The following LPAR1 variants were observed in gnomAD, a reference collection of about 807,000 sequenced individuals.
LPAR1 encodes the protein lysophosphatidic acid receptor 1, also known as LPA receptor 1.
A neutral mutation model predicts 23.8 loss-of-function variants in LPAR1; 5 were observed. The ratio of observed to expected loss-of-function variants is 0.21; its 90% CI spans 0.11 to 0.44. The LOEUF is 0.44. LPAR1 is among the 20% of genes least tolerant of loss of function. The pLI is 0.99. For missense variants in LPAR1, 311 were observed against 482.8 expected, an observed-to-expected ratio of 0.64 and a Z score of 3.33; for synonymous variants, 160 against 164.7, an observed-to-expected ratio of 0.97 and a Z score of 0.22.
At chr9:110,985,273 T>C (rs957395897) in intron 2 of LPAR1, among the ~76,000 whole-genome samples, 4 of 152,146 alleles carry the variant, frequency 2.6e-5, no homozygotes, top group Non-Finnish European at 5.9e-5. Flanking sequence ...TTCCTCAAAG[T>C]GTCAGCCCTA....
In LPAR1 at chr9:110,941,243, A is replaced by ATAAT. The variant is rs904546349; in HGVS notation, c.793+174_793+177dup. ...CCCATGTTTCCCTAACGCTAATTCT[A>ATAAT]TAATTTTAGGAAGACTCATAAGCTG... On this transcript the variant is annotated intron_variant, in intron 5 of 5. Transcript: ENST00000683809. This position sits in a 1 kb window ranked among gnomAD's most constrained non-coding sequence, Gnocchi z 6.1. Among the ~76,000 whole-genome samples, 57 of 152,172 alleles carry ATAAT rather than the reference A, an allele frequency of 3.7e-4. 1 individual carries two copies. The highest frequency in any genetic ancestry group is 8.8e-5 in the Non-Finnish European group (6 of 68,024).
intron 2 of LPAR1, among the ~76,000 whole-genome samples, chr9:110,990,643 AAAG>A (rs1404309948): frequency 5.3e-5 from 8 of 152,240 alleles, no homozygotes; most frequent in African/African-American, 1.2e-4. Flanking sequence ...CTATAATAGA[AAAG>A]AAGAAAAGTC....
In LPAR1 at chr9:110,984,676, C is replaced by T. The variant is rs543762935; in HGVS notation, c.-181-11118G>A. Among the ~76,000 whole-genome samples, 314 of 151,772 alleles carry T rather than the reference C, an allele frequency of 2.1e-3. 1 individual carries two copies. Among genetic ancestry groups the T allele is most frequent in the African/African-American group, 7.2e-3 (299 of 41,422 alleles). ...TGTTCAAACACATAATACAACTACT[C>T]ATATGACAAATCAAAATAATGTGCT... On this transcript the variant is annotated intron_variant, in intron 2 of 5. Transcript: ENST00000683809.
intron 2 of LPAR1, among the ~76,000 whole-genome samples, chr9:110,976,605 CTG>C (rs1426597785): frequency 6.6e-6 from 1 of 152,164 alleles, no homozygotes; most frequent in East Asian, 1.9e-4. Flanking sequence ...AGCTTCAAAA[CTG>C]TGTTCTAGCC....
At chr9:110,892,855 AG>A (rs1231570554) in intron 5 of LPAR1, among the ~76,000 whole-genome samples, 8 of 115,386 alleles carry the variant, frequency 6.9e-5, no homozygotes, top group Non-Finnish European at 1.4e-4. Flanking sequence ...GCAGGCAGGC[AG>A]GCAGGCAGGC....
chr9:110,909,519 C>T (rs1222699063), intron 5 of LPAR1, among the ~76,000 whole-genome samples: 3 of 152,164 alleles, frequency 2.0e-5, no homozygotes, highest in Non-Finnish European at 4.4e-5. Flanking sequence ...GCTCATTTCA[C>T]TGGCTCATTA....
chr9:110,883,810 G>A (rs1162670027), intron 5 of LPAR1, among the ~76,000 whole-genome samples: 1 of 152,062 alleles, frequency 6.6e-6, no homozygotes, highest in Non-Finnish European at 1.5e-5. Context: ...CCTGCAGCCC[G>A]CTGACTTACT....
intron 2 of LPAR1, among the ~76,000 whole-genome samples, chr9:110,984,603 T>C (rs2096740971): frequency 6.6e-6 from 1 of 152,038 alleles, no homozygotes; most frequent in Non-Finnish European, 1.5e-5. Context: ...AGCAGTGAGA[T>C]TGCTGGATCA....
intron 5 of LPAR1, among the ~76,000 whole-genome samples, chr9:110,909,146 G>A (rs746247344): frequency 2.2e-4 from 34 of 151,854 alleles, no homozygotes; most frequent in Non-Finnish European, 4.1e-4. Flanking sequence ...ATATAAACCC[G>A]TGGTTTTAGT....
intron 2 of LPAR1, among the ~76,000 whole-genome samples, chr9:110,979,234 A>C (rs958747867): frequency 6.6e-6 from 1 of 152,088 alleles, no homozygotes; most frequent in East Asian, 1.9e-4. Context: ...AATTTTTAAG[A>C]ATTCAAAAAA....
rs902336266 is a variant in LPAR1 at position 111,038,103 on chromosome 9, C to G, written c.-262+64G>C. On this transcript the variant is annotated intron_variant, in intron 1 of 5. Transcript: ENST00000683809. The surrounding 1 kb of genome is among the most constrained non-coding windows in gnomAD (Gnocchi z 4.4). ...CGCGCCGTGTGGCGGGCCGAGCAGT[C>G]GCCGCGGCCTCTGGCTTCGCGCCCA... 6.6e-6 allele frequency: 1 copy of G among 151,386 alleles called. No homozygotes were observed. The allele number at this position is 151,386 out of a possible 1,614,324, so 9.4% of individuals were successfully genotyped here. A position where few individuals can be genotyped will look rare whatever the true frequency, so the allele number is the denominator to read the frequency against.
At position 111,027,051 on chromosome 9, in the gene LPAR1, T is replaced by G. The variant is rs116241492; in HGVS notation, c.-182+9071A>C. 9.7e-3 allele frequency among the ~76,000 whole-genome samples: 1,480 copies of G among 152,322 alleles called. 29 individuals are homozygous for G. The highest frequency in any genetic ancestry group is 0.034 in the African/African-American group (1,414 of 41,558). The stretch of plus-strand genomic sequence containing the variant: ...ATGATGCTGGCCTCATAAAATGGAC[T>G]AGGGAGGAGTCCCTCTTTTTCTATT... On this transcript the variant is annotated intron_variant, in intron 2 of 5. Transcript: ENST00000683809.
At chr9:110,934,255 C>A (rs1473792823) in intron 5 of LPAR1, among the ~76,000 whole-genome samples, 1 of 152,188 alleles carries the variant, frequency 6.6e-6, no homozygotes, top group Non-Finnish European at 1.5e-5. Context: ...AGCAACAGGA[C>A]CAATTGGGAA....
intron 4 of LPAR1, among the ~76,000 whole-genome samples, chr9:110,950,692 C>T (rs147176536): frequency 5.1e-4 from 78 of 152,048 alleles, no homozygotes; most frequent in Non-Finnish European, 9.3e-4. Flanking sequence ...TTTACAGTAA[C>T]AAGAGCTCTA....
At chr9:110,968,469 A>G (rs1387253319) in intron 4 of LPAR1, among the ~76,000 whole-genome samples, 3 of 152,084 alleles carry the variant, frequency 2.0e-5, no homozygotes, top group Non-Finnish European at 4.4e-5. Flanking sequence ...ACCTTGGGAC[A>G]CTTGACATTC....
chr9:110,926,704 T>C (rs1389703401), intron 5 of LPAR1, among the ~76,000 whole-genome samples: 2 of 151,824 alleles, frequency 1.3e-5, no homozygotes, highest in African/African-American at 2.4e-5. Flanking sequence ...GTGTTTTTTT[T>C]CCCCTAACTC....
At chr9:110,985,766 G>C (rs2096768110) in intron 2 of LPAR1, among the ~76,000 whole-genome samples, 1 of 152,076 alleles carries the variant, frequency 6.6e-6, no homozygotes, top group Non-Finnish European at 1.5e-5. Flanking sequence ...CTTAGAATAA[G>C]TGTCACTATG....
chr9:110,946,915 A>G (rs2095404107), intron 4 of LPAR1, among the ~76,000 whole-genome samples: 1 of 152,200 alleles, frequency 6.6e-6, no homozygotes, highest in Admixed American at 6.5e-5. Flanking sequence ...TAAACATATT[A>G]ATTTTCTCTT....
At chr9:110,945,425 A>G (rs868224877) in intron 4 of LPAR1, 57 of 152,282 alleles carry the variant, frequency 3.7e-4, no homozygotes, top group African/African-American at 1.2e-3. Context: ...ATGGGAGGGG[A>G]AAAAAAGAAG....
Sources: gnomAD v4.1 joint callset for allele counts (sites outside exome capture counted in the v4.1 genomes callset) on GRCh38, gnomAD v4.1.1 for gene constraint, Gnocchi (gnomAD v3.1) non-coding constraint, MANE v1.5 for transcripts, NCBI Gene and HGNC (gene_info 2026-07-23, HGNC 2026-07-21) for gene names.